Variants in HPSE2 observed in about 807,000 individuals in gnomAD.
HPSE2 encodes the protein heparanase 2 (inactive).
Under a neutral mutation model 60.5 loss-of-function variants are expected in HPSE2, and 38 were observed. The observed-to-expected ratio is 0.63, with a 90% CI of 0.48 to 0.82. The LOEUF (loss-of-function observed/expected upper bound fraction) is 0.82, where lower values mean the gene tolerates loss of function less well. HPSE2 is among the 40% of genes least tolerant of loss of function. The pLI is 0.00. For synonymous variants in HPSE2, 295 were observed against 293.2 expected, an observed-to-expected ratio of 1.01 and a Z score of -0.06; for missense variants, 713 against 740.4, an observed-to-expected ratio of 0.96 and a Z score of 0.43.
intron 3 of HPSE2, among the ~76,000 whole-genome samples, chr10:99,092,595 G>T (rs569231584): frequency 6.6e-6 from 1 of 152,294 alleles, no homozygotes; most frequent in African/African-American, 2.4e-5. Flanking sequence ...ATAATCAACT[G>T]AAGTTTGGAT....
chr10:98,937,091 C>G (rs1954821719), intron 3 of HPSE2, among the ~76,000 whole-genome samples: 1 of 142,570 alleles, frequency 7.0e-6, no homozygotes. Flanking sequence ...AAATAATTAC[C>G]TGTGACAATG....
intron 5 of HPSE2, among the ~76,000 whole-genome samples, chr10:98,709,376 A>G (rs1220418161): frequency 6.6e-6 from 1 of 152,202 alleles, no homozygotes; most frequent in Non-Finnish European, 1.5e-5. Context: ...CAAGTTAATG[A>G]TGACTCAGGC....
At chr10:98,817,172 A>G (rs1951310894) in intron 3 of HPSE2, among the ~76,000 whole-genome samples, 1 of 152,028 alleles carries the variant, frequency 6.6e-6, no homozygotes, top group Admixed American at 6.6e-5. Context: ...CAGGTATGTT[A>G]GTTTTCCTAT....
intron 6 of HPSE2, among the ~76,000 whole-genome samples, chr10:98,687,419 C>T (rs516470): frequency 0.35 from 53,754 of 152,032 alleles, 9,740 homozygotes; most frequent in Admixed American, 0.41. Flanking sequence ...CTCCCTATGC[C>T]TCCTCTTTAT....
intron 2 of HPSE2, among the ~76,000 whole-genome samples, chr10:99,206,784 G>GCC (rs2133898103): frequency 6.6e-6 from 1 of 151,834 alleles, no homozygotes; most frequent in African/African-American, 2.4e-5. Flanking sequence ...AAATGCAATA[G>GCC]AGAGCCTCAA....
At chr10:98,647,828 T>C (rs1395553852) in intron 6 of HPSE2, among the ~76,000 whole-genome samples, 1 of 152,176 alleles carries the variant, frequency 6.6e-6, no homozygotes, top group Non-Finnish European at 1.5e-5. Flanking sequence ...GCAGGAACGC[T>C]TAGATGAAAT....
intron 4 of HPSE2, among the ~76,000 whole-genome samples, chr10:98,742,340 C>T (rs759514947): frequency 1.3e-5 from 2 of 152,132 alleles, no homozygotes; most frequent in Non-Finnish European, 2.9e-5. Flanking sequence ...TCTTCCCTTG[C>T]CATCTTATTT....
At chr10:98,856,153 C>A (rs544715950) in intron 3 of HPSE2, among the ~76,000 whole-genome samples, 1 of 152,294 alleles carries the variant, frequency 6.6e-6, no homozygotes, top group East Asian at 1.9e-4. Context: ...ACAGTCTCTA[C>A]TGTCCTACAC....
chr10:98,942,072 A>T (rs1955023779), intron 3 of HPSE2, among the ~76,000 whole-genome samples: 2 of 143,100 alleles, frequency 1.4e-5, no homozygotes, highest in Admixed American at 1.4e-4. Context: ...CTTATACAAA[A>T]ATTAATTCAA....
At chr10:99,154,434 T>C in intron 2 of HPSE2, among the ~76,000 whole-genome samples, 1 of 66,486 alleles carries the variant, frequency 1.5e-5, no homozygotes, top group Non-Finnish European at 3.7e-5. Flanking sequence ...CAGAAGAGAG[T>C]GGGGGCCAAT....
At chr10:98,745,092 C>T (rs1029499269) in intron 3 of HPSE2, among the ~76,000 whole-genome samples, 2 of 152,162 alleles carry the variant, frequency 1.3e-5, no homozygotes, top group Non-Finnish European at 2.9e-5. Flanking sequence ...GTCCCAGCTA[C>T]TCAGGAGGCT....
intron 3 of HPSE2, among the ~76,000 whole-genome samples, chr10:98,749,226 A>G (rs1949697504): frequency 6.6e-6 from 1 of 152,130 alleles, no homozygotes; most frequent in Non-Finnish European, 1.5e-5. Flanking sequence ...TTAAAAACCA[A>G]ACAGACAAGC....
chr10:98,555,178 G>A (rs1047835001), intron 9 of HPSE2, among the ~76,000 whole-genome samples: 9 of 152,166 alleles, frequency 5.9e-5, no homozygotes, highest in Admixed American at 3.9e-4. Flanking sequence ...GGGAAGTTAT[G>A]CCCCCTCTTG....
At chr10:99,182,921 G>A (rs997039199) in intron 2 of HPSE2, among the ~76,000 whole-genome samples, 6 of 151,904 alleles carry the variant, frequency 3.9e-5, no homozygotes, top group East Asian at 3.9e-4. Context: ...GCGTGAACCC[G>A]GGAGGCTGAG....
the HPSE2 span, among the ~76,000 whole-genome samples, chr10:99,252,767 C>A: frequency 1.3e-5 from 2 of 151,626 alleles, no homozygotes; most frequent in Non-Finnish European, 2.9e-5. Context: ...GTCCCAGCTA[C>A]TCGAGAGGCT....
At chr10:98,529,117 A>G (rs141456523) in intron 9 of HPSE2, among the ~76,000 whole-genome samples, 2 of 152,302 alleles carry the variant, frequency 1.3e-5, no homozygotes, top group East Asian at 3.9e-4. Context: ...ACCAACACAC[A>G]CTCAGTGATA....
intron 11 of HPSE2, among the ~76,000 whole-genome samples, chr10:98,475,346 T>G (rs7084133): frequency 0.4 from 61,488 of 151,942 alleles, 13,515 homozygotes; most frequent in African/African-American, 0.6. Context: ...GGTCTTGATC[T>G]CCTGACCTTG....
intron 3 of HPSE2, among the ~76,000 whole-genome samples, chr10:98,826,186 A>G (rs1469997696): frequency 1.3e-5 from 2 of 152,220 alleles, no homozygotes; most frequent in African/African-American, 4.8e-5. Context: ...CTGTATTCCA[A>G]GTATTTAGAA....
intron 3 of HPSE2, among the ~76,000 whole-genome samples, chr10:99,100,307 G>C (rs540565426): frequency 6.6e-6 from 1 of 152,248 alleles, no homozygotes; most frequent in African/African-American, 2.4e-5. Flanking sequence ...ATGACCTGAT[G>C]GAGCTAAAAA....
Sources: gnomAD v4.1 joint callset for allele counts (sites outside exome capture counted in the v4.1 genomes callset) on GRCh38, gnomAD v4.1.1 for gene constraint, MANE v1.5 for transcripts, NCBI Gene and HGNC (gene_info 2026-07-23, HGNC 2026-07-21) for gene names.